The following SGCZ variants were observed in gnomAD, a reference collection of about 807,000 sequenced individuals.
The protein encoded by SGCZ is zeta-sarcoglycan.
Under a neutral mutation model 41.3 loss-of-function variants are expected in SGCZ, and 40 were observed. The ratio of observed to expected loss-of-function variants is 0.97; its 90% confidence interval spans 0.75 to 1.26. The LOEUF (loss-of-function observed/expected upper bound fraction) is 1.26, where lower values mean the gene tolerates loss of function less well. Ranked by LOEUF, SGCZ falls within the 50% of genes most tolerant of loss-of-function variation. SGCZ has a pLI of 0.00. For synonymous variants in SGCZ, 206 were observed against 137.5 expected (o/e 1.50, Z -3.49); for missense variants, 552 against 369.8 (o/e 1.49, Z -4.04).
intron 3 of SGCZ, among the ~76,000 whole-genome samples, chr8:14,302,733 A>G (rs185390555): frequency 6.6e-6 from 1 of 152,190 alleles, no homozygotes; most frequent in Non-Finnish European, 1.5e-5. Context: ...ACTATATTTT[A>G]TAAGGAAGTA....
intron 1 of SGCZ, among the ~76,000 whole-genome samples, chr8:14,848,090 T>C (rs921881838): frequency 1.3e-5 from 2 of 152,036 alleles, no homozygotes; most frequent in African/African-American, 4.8e-5. Flanking sequence ...AGCAAACAGC[T>C]GAAAATAAAA....
chr8:14,485,035 C>T (rs1801635503), intron 2 of SGCZ, among the ~76,000 whole-genome samples: 1 of 152,044 alleles, frequency 6.6e-6, no homozygotes, highest in African/African-American at 2.4e-5. Flanking sequence ...CTTTAAAGGA[C>T]TAAAAATAAT....
intron 3 of SGCZ, chr8:14,309,028 G>T: frequency 8.2e-7 from 1 of 1,221,108 alleles, no homozygotes; most frequent in South Asian, 1.4e-5. Flanking sequence ...ACCAGAAAAT[G>T]AAACCGGAAG....
chr8:14,307,124 T>C (rs997437714), intron 3 of SGCZ, among the ~76,000 whole-genome samples: 6 of 152,166 alleles, frequency 3.9e-5, no homozygotes, highest in Admixed American at 3.9e-4. Context: ...ACTTAAGTGA[T>C]CATAACAAGA....
At chr8:14,309,156 T>G in intron 3 of SGCZ, 2 of 1,471,366 alleles carry the variant, frequency 1.4e-6, no homozygotes, top group Non-Finnish European at 1.9e-6. Flanking sequence ...GCACTCTGGT[T>G]TTTTAAAAAC....
chr8:14,602,446 A>T (rs1805623635), intron 1 of SGCZ, among the ~76,000 whole-genome samples: 1 of 151,972 alleles, frequency 6.6e-6, no homozygotes, highest in Non-Finnish European at 1.5e-5. Flanking sequence ...GGTAATTGGG[A>T]GGCTGAGGTG....
rs1270696403 is a variant in SGCZ, at chr8:14,088,975, A to T, written c.*1468T>A. 6.6e-6 allele frequency among the ~76,000 whole-genome samples: 1 copy of T among 151,936 alleles called. No homozygotes were observed. The highest frequency in any genetic ancestry group is 1.5e-5 in the Non-Finnish European group (1 of 67,896). On this transcript the variant is annotated 3_prime_UTR_variant, in exon 8 of 8. Coordinates refer to ENST00000382080, the MANE Select transcript of SGCZ (RefSeq NM_139167.4). Reference sequence around the variant, plus strand: ...CATGAGGGAGAAAAACGTTTGATTGACATGTGAAAATTCAGGACTTACCTT... The same window carrying T: ...CATGAGGGAGAAAAACGTTTGATTGTCATGTGAAAATTCAGGACTTACCTT...
chr8:15,096,416 G>A (rs1806348072), intron 1 of SGCZ, among the ~76,000 whole-genome samples: 1 of 152,170 alleles, frequency 6.6e-6, no homozygotes, highest in African/African-American at 2.4e-5. Context: ...ATTCATGATT[G>A]TCTACGAAAG....
At chr8:14,850,702 C>T (rs1389311258) in intron 1 of SGCZ, among the ~76,000 whole-genome samples, 1 of 152,156 alleles carries the variant, frequency 6.6e-6, no homozygotes, top group Non-Finnish European at 1.5e-5. Flanking sequence ...TCCTCATAAT[C>T]TCCATGTGTC....
chr8:14,336,213 A>T (rs1031922182), intron 2 of SGCZ, among the ~76,000 whole-genome samples: 3 of 152,134 alleles, frequency 2.0e-5, no homozygotes, highest in African/African-American at 7.2e-5. Flanking sequence ...AATGGCCTCT[A>T]GTTCCATCCA....
At position 15,019,512 on chromosome 8, in the gene SGCZ, G is replaced by C. The variant is rs371665849; in HGVS notation, c.39+218073C>G. Reference sequence around the variant, plus strand: ...TTCTGTGGGGTGGTTTGACTCACCTGATTGATAAATCTAGGCAAAGATAGG... The same window carrying C: ...TTCTGTGGGGTGGTTTGACTCACCTCATTGATAAATCTAGGCAAAGATAGG... On this transcript the variant is annotated intron_variant, in intron 1 of 7. Transcript: ENST00000382080. 5.9e-5 allele frequency among the ~76,000 whole-genome samples: 9 copies of C among 152,090 alleles called. No individual in the cohort carries two copies. In the East Asian group the frequency reaches 7.7e-4, roughly 13 times the overall value.
At chr8:14,677,304 A>G (rs10888093) in intron 1 of SGCZ, among the ~76,000 whole-genome samples, 83,976 of 151,790 alleles carry the variant, frequency 0.55, 24,558 homozygotes, top group East Asian at 0.76. Flanking sequence ...AAGAAATCAA[A>G]TAACTAGAAA....
intron 2 of SGCZ, among the ~76,000 whole-genome samples, chr8:14,433,856 GCAA>G (rs763999160): frequency 2.6e-5 from 4 of 152,152 alleles, no homozygotes; most frequent in Non-Finnish European, 5.9e-5. Flanking sequence ...GAATCTTCAG[GCAA>G]CAACTGTTTG....
chr8:14,394,502 T>A (rs971241413), intron 2 of SGCZ, among the ~76,000 whole-genome samples: 2 of 152,182 alleles, frequency 1.3e-5, no homozygotes, highest in Non-Finnish European at 2.9e-5. Context: ...AAGAAACACT[T>A]TTTAATGATG....
In SGCZ at chr8:14,959,128, T is replaced by G. The variant is rs182733228; in HGVS notation, c.39+278457A>C. Among the ~76,000 whole-genome samples, 653 of 152,250 alleles carry G rather than the reference T, an allele frequency of 4.3e-3. 6 individuals carry two copies. Among genetic ancestry groups the G allele is most frequent in the South Asian group, 0.018 (85 of 4,834 alleles). On this transcript the variant is annotated intron_variant, in intron 1 of 7. Transcript: ENST00000382080. ...TTAGACAGATTTCAAAGACATTTTT[T>G]GAGCAATACAACCAAAATATAATAG...
chr8:14,381,778 C>A (rs1447992832), intron 2 of SGCZ, among the ~76,000 whole-genome samples: 1 of 151,444 alleles, frequency 6.6e-6, no homozygotes, highest in Non-Finnish European at 1.5e-5. Flanking sequence ...AAAGCAAGAC[C>A]CTGTCTCAAA....
intron 5 of SGCZ, 95 bp downstream of exon 5, chr8:14,164,485 G>A (rs1804144915): frequency 8.3e-6 from 12 of 1,442,090 alleles, no homozygotes; most frequent in Non-Finnish European, 1.0e-5. Flanking sequence ...CTCTACTTTA[G>A]GCATAGGAAT....
At chr8:14,713,154 C>T (rs896037052) in intron 1 of SGCZ, among the ~76,000 whole-genome samples, 11 of 152,036 alleles carry the variant, frequency 7.2e-5, no homozygotes, top group African/African-American at 2.7e-4. Flanking sequence ...TCTAAGTGTA[C>T]CAGGTTTAAT....
chr8:14,555,420 T>G (rs935367014), intron 1 of SGCZ, among the ~76,000 whole-genome samples: 4 of 151,946 alleles, frequency 2.6e-5, no homozygotes, highest in Non-Finnish European at 5.9e-5. Flanking sequence ...CGTGGTTAAG[T>G]GGGTGGCACC....
Sources: allele counts gnomAD v4.1 joint callset (sites outside exome capture counted in the v4.1 genomes callset), GRCh38; gene constraint gnomAD v4.1.1; transcripts MANE v1.5; gene names NCBI Gene and HGNC (gene_info 2026-07-23, HGNC 2026-07-21).